COP1: variants seen among roughly 807,000 people sequenced by gnomAD.
COP1 encodes the protein COP1 E3 ubiquitin ligase.
A neutral mutation model predicts 101.3 loss-of-function variants in COP1; 24 were observed. That is an observed-to-expected ratio of 0.24 (90% CI 0.17 to 0.33). The LOEUF (loss-of-function observed/expected upper bound fraction) is 0.33, where lower values mean the gene tolerates loss of function less well. Ranked by LOEUF, COP1 falls within the 10% of genes least tolerant of loss-of-function variation. COP1 has a pLI of 1.00. For missense variants in COP1, 663 were observed against 906.2 expected, an observed-to-expected ratio of 0.73 and a Z score of 3.45; for synonymous variants, 347 against 341.9, an observed-to-expected ratio of 1.01 and a Z score of -0.17.
At chr1:176,049,233 T>C (rs752008561) in intron 11 of COP1, among the ~76,000 whole-genome samples, 12 of 151,320 alleles carry the variant, frequency 7.9e-5, no homozygotes, top group East Asian at 1.9e-4. Flanking sequence ...AATATGTCTA[T>C]TATTTCTTCT....
At chr1:176,089,841 A>G (rs1469698483) in intron 9 of COP1, among the ~76,000 whole-genome samples, 2 of 152,330 alleles carry the variant, frequency 1.3e-5, no homozygotes, top group Non-Finnish European at 2.9e-5. Context: ...GGAAATCAAT[A>G]TATTTTACCC....
At chr1:176,049,578 C>A (rs559928994) in intron 11 of COP1, among the ~76,000 whole-genome samples, 7 of 151,904 alleles carry the variant, frequency 4.6e-5, no homozygotes, top group Non-Finnish European at 8.8e-5. Context: ...CAGGTCCCCC[C>A]CCTCAAACCA....
chr1:175,951,462 A>ATATATATATAT (rs1491471530), intron 18 of COP1, among the ~76,000 whole-genome samples: 1 of 49,648 alleles, frequency 2.0e-5, no homozygotes, highest in Non-Finnish European at 4.4e-5. Flanking sequence ...ATATATATAT[A>ATATATATATAT]AAAACTTCCA....
intron 10 of COP1, among the ~76,000 whole-genome samples, chr1:176,081,876 C>T (rs1236072877): frequency 6.6e-6 from 1 of 152,030 alleles, no homozygotes; most frequent in African/African-American, 2.4e-5. Flanking sequence ...GAAATTGCTC[C>T]TTTTTATCTC....
At chr1:176,197,388 C>T (rs1699812864) in intron 1 of COP1, among the ~76,000 whole-genome samples, 1 of 152,138 alleles carries the variant, frequency 6.6e-6, no homozygotes, top group South Asian at 2.1e-4. Context: ...TGTACTCCAG[C>T]TTGGGCGAGA....
intron 6 of COP1, among the ~76,000 whole-genome samples, chr1:176,148,430 T>C (rs1451956831): frequency 6.6e-6 from 1 of 152,046 alleles, no homozygotes; most frequent in Non-Finnish European, 1.5e-5. Context: ...TATTTTAGCA[T>C]GCTATCCAGA....
intron 1 of COP1, among the ~76,000 whole-genome samples, chr1:176,198,735 A>C (rs1271964311): frequency 6.6e-6 from 1 of 152,192 alleles, no homozygotes; most frequent in African/African-American, 2.4e-5. Flanking sequence ...AGATGTATGC[A>C]GAATACATAA....
chr1:176,120,953 C>T (rs1023934972), intron 8 of COP1, among the ~76,000 whole-genome samples: 3 of 151,806 alleles, frequency 2.0e-5, no homozygotes, highest in African/African-American at 7.3e-5. Flanking sequence ...TCATTTTAGG[C>T]TAAACATAGA....
At chr1:176,126,843 G>A (rs532089003) in intron 8 of COP1, among the ~76,000 whole-genome samples, 7 of 152,096 alleles carry the variant, frequency 4.6e-5, no homozygotes, top group South Asian at 2.1e-4. Flanking sequence ...AAGAACCCAA[G>A]GATATTTTAT....
chr1:176,050,896 T>C (rs746858441), intron 11 of COP1, among the ~76,000 whole-genome samples: 1 of 152,202 alleles, frequency 6.6e-6, no homozygotes, highest in Non-Finnish European at 1.5e-5. Flanking sequence ...CTCTCAATCA[T>C]CATGCAAACT....
intron 18 of COP1, among the ~76,000 whole-genome samples, chr1:175,968,129 C>G (rs1021667797): frequency 1.3e-5 from 2 of 152,312 alleles, no homozygotes; most frequent in East Asian, 3.9e-4. Context: ...CTCAACCTCC[C>G]AAAGTGCTGG....
chr1:176,012,941 G>A (rs750205884), intron 15 of COP1, among the ~76,000 whole-genome samples: 18 of 152,114 alleles, frequency 1.2e-4, no homozygotes, highest in Admixed American at 1.1e-3. Context: ...ATTGCATTAT[G>A]TAGTCCCTAG....
intron 11 of COP1, among the ~76,000 whole-genome samples, chr1:176,058,103 C>T (rs1326765577): frequency 2.9e-5 from 4 of 137,714 alleles, no homozygotes; most frequent in African/African-American, 1.1e-4. Flanking sequence ...AGCCCCCGCC[C>T]GGCCAGCCAC....
intron 15 of COP1, among the ~76,000 whole-genome samples, chr1:175,997,705 T>A (rs1660527056): frequency 6.6e-6 from 1 of 152,140 alleles, no homozygotes. Context: ...TGAGATACCA[T>A]CTCACACCAG....
At chr1:176,116,809 G>T in intron 8 of COP1, 128 bp from the exon 9 acceptor site, 1 of 676,860 alleles carries the variant, frequency 1.5e-6, no homozygotes, top group Non-Finnish European at 2.5e-6. Flanking sequence ...AATATTTATT[G>T]CCAATCATTA....
At chr1:176,100,224 T>C in intron 9 of COP1, 1 of 228,846 alleles carries the variant, frequency 4.4e-6, no homozygotes, top group Non-Finnish European at 9.2e-6. Flanking sequence ...ACCCCGTCTT[T>C]ACTAAAAATA....
chr1:175,982,287 C>A (rs1241242287), intron 18 of COP1: 2 of 445,624 alleles, frequency 4.5e-6, no homozygotes, highest in African/African-American at 2.0e-5. Context: ...AACCTAAGTG[C>A]CCATCAACAA....
intron 15 of COP1, among the ~76,000 whole-genome samples, chr1:176,014,804 ATGTC>A (rs1318950269): frequency 6.6e-6 from 1 of 152,196 alleles, no homozygotes; most frequent in Admixed American, 6.5e-5. Context: ...GTACTAATAT[ATGTC>A]TGTTAGTACT....
At chr1:176,035,974 A>G (rs1669460615) in intron 14 of COP1, among the ~76,000 whole-genome samples, 1 of 152,128 alleles carries the variant, frequency 6.6e-6, no homozygotes, top group African/African-American at 2.4e-5. Context: ...ATTTCTGAAA[A>G]TTTTAAGGAA....
Sources: gnomAD v4.1 joint callset for allele counts (sites outside exome capture counted in the v4.1 genomes callset) on GRCh38, gnomAD v4.1.1 for gene constraint, MANE v1.5 for transcripts, NCBI Gene and HGNC (gene_info 2026-07-23, HGNC 2026-07-21) for gene names.